Variants in STAMBP observed in about 807,000 individuals in gnomAD.
STAMBP encodes STAM-binding protein.
Under a neutral mutation model 50.7 loss-of-function variants are expected in STAMBP, and 31 were observed. The observed-to-expected ratio is 0.61, with a 90% CI of 0.46 to 0.83. STAMBP has a LOEUF of 0.83. Among genes scored for constraint, STAMBP ranks in the 40% least tolerant of loss-of-function variants. The pLI is 0.00. For missense variants in STAMBP, 472 were observed against 518.9 expected (o/e 0.91, Z 0.88); for synonymous variants, 211 against 192.4 (o/e 1.10, Z -0.80).
At chr2:73,855,624 A>C (rs1287428114) in intron 7 of STAMBP, 1 of 455,992 alleles carries the variant, frequency 2.2e-6, no homozygotes, top group Non-Finnish European at 4.4e-6. Flanking sequence ...CTCATCAGGT[A>C]GAAACTTTGT....
intron 7 of STAMBP, chr2:73,855,741 C>T (rs1269050423): frequency 4.4e-6 from 2 of 455,374 alleles, no homozygotes; most frequent in South Asian, 1.6e-5. Context: ...GTGAGCTCAT[C>T]ACAGCACCCT....
intron 7 of STAMBP, among the ~76,000 whole-genome samples, chr2:73,858,428 C>A (rs913370452): frequency 1.3e-5 from 2 of 152,028 alleles, no homozygotes; most frequent in African/African-American, 4.8e-5. Flanking sequence ...ACATAAGCCT[C>A]CATGCCCAGC....
Position 73,849,345 on chromosome 2 carries a change from C to G in STAMBP, c.743-18C>G, listed in dbSNP as rs1336198224. 6.2e-7 allele frequency: 1 copy of G among 1,613,380 alleles called. No individual in the cohort carries two copies. Among genetic ancestry groups the G allele is most frequent in the Non-Finnish European group, 8.5e-7 (1 of 1,179,944 alleles). On this transcript the variant is annotated intron_variant, in intron 5 of 9. Coordinates refer to ENST00000394070, the MANE Select transcript of STAMBP (RefSeq NM_213622.4). Reference sequence around the variant, plus strand: ...CAGGGCTCAGTGGTCGCAGACTATTCTCCTTTCTCCTTTACAGTTCCCACA... The same window carrying G: ...CAGGGCTCAGTGGTCGCAGACTATTGTCCTTTCTCCTTTACAGTTCCCACA...
chr2:73,831,031 G>T lies in STAMBP; in HGVS notation c.175G>T (p.Ala59Ser). Residue 59 changes from alanine (A) to serine (S), a missense_variant, in exon 2 of 10, where the codon GCC becomes TCC. Ala to Ser is a moderately conservative substitution (Grantham distance 99, BLOSUM62 1). Coordinates refer to ENST00000394070, the MANE Select transcript of STAMBP (RefSeq NM_213622.4). ...CTCTGAGGAAGGCAACATTGAACAT[G>T]CCTTCATCCTCTATAACAAGTATAT... The part of the protein sequence containing the change: ...IYSEEGNIEH[A>S]FILYNKYITL... 2.5e-6 allele frequency: 4 copies of T among 1,614,196 alleles called. No homozygotes were observed. The highest frequency in any genetic ancestry group is 3.4e-6 in the Non-Finnish European group (4 of 1,180,012).
intron 7 of STAMBP, among the ~76,000 whole-genome samples, chr2:73,855,109 C>T (rs1677378788): frequency 6.6e-6 from 1 of 152,184 alleles, no homozygotes; most frequent in Non-Finnish European, 1.5e-5. Context: ...GAATCAGCTG[C>T]CCAGGTCAAA....
At chr2:73,844,641 G>C (rs549577949) in intron 2 of STAMBP, 172 bp from the exon 3 acceptor site, 7 of 478,102 alleles carry the variant, frequency 1.5e-5, no homozygotes, top group Middle Eastern at 3.2e-4. Context: ...TGGCTCTTTA[G>C]GGGGATAGAG....
intron 4 of STAMBP, among the ~76,000 whole-genome samples, chr2:73,846,534 G>A (rs1676082187): frequency 6.6e-6 from 1 of 151,890 alleles, no homozygotes; most frequent in Admixed American, 6.6e-5. Flanking sequence ...GCTGAGATGG[G>A]AGGATCACCT....
At position 73,850,837 on chromosome 2, in the gene STAMBP, C is replaced by T. The variant is rs1366673898; in HGVS notation, c.1005+324C>T. On this transcript the variant is annotated intron_variant, in intron 7 of 9. Coordinates refer to ENST00000394070, the MANE Select transcript of STAMBP (RefSeq NM_213622.4). This position sits in a 1 kb window ranked among gnomAD's most constrained non-coding sequence, Gnocchi z 4.3. ...GTGGACATTGACCTTAGAGACTATG[C>T]CTACTGTGTACAGATGATGTTCCTT... Among the ~76,000 whole-genome samples, 1 of 152,088 alleles carries T rather than the reference C, an allele frequency of 6.6e-6. No individual in the cohort carries two copies. Among genetic ancestry groups the T allele is most frequent in the East Asian group, 1.9e-4 (1 of 5,194 alleles).
At position 73,867,130 on chromosome 2, in the gene STAMBP, T is replaced by C. The variant is rs190828475; in HGVS notation, c.*4871T>C. ...GAGTCCCCTGACATGGAATAAGATA[T>C]GAATAAATGCACAGACTTGTCCAAA... On this transcript the variant is annotated 3_prime_UTR_variant, in exon 10 of 10. Transcript: ENST00000394070. The C allele has an allele frequency of 1.3e-5, 2 of 152,368 alleles. No individual in the cohort carries two copies. Among genetic ancestry groups the C allele is most frequent in the Non-Finnish European group, 2.9e-5 (2 of 68,032 alleles). 9.4% of individuals were successfully genotyped at this position (152,368 alleles called of 1,614,324 possible).
At chr2:73,861,450 T>C (rs1001427555) in intron 9 of STAMBP, among the ~76,000 whole-genome samples, 2 of 152,112 alleles carry the variant, frequency 1.3e-5, no homozygotes, top group Non-Finnish European at 2.9e-5. Context: ...TAAATAGCAG[T>C]CTGGCTTCCA....
At chr2:73,834,682 A>T (rs1674506392) in intron 2 of STAMBP, among the ~76,000 whole-genome samples, 1 of 152,148 alleles carries the variant, frequency 6.6e-6, no homozygotes, top group Non-Finnish European at 1.5e-5. Context: ...ACTTAAGAGT[A>T]CTGTGATAGA....
chr2:73,862,215 G>T lies in STAMBP; in HGVS notation c.1231G>T (p.Val411Leu). 6.2e-7 allele frequency: 1 copy of T among 1,606,816 alleles called. No homozygotes were observed. The highest frequency in any genetic ancestry group is 1.3e-5 in the African/African-American group (1 of 74,238). ...DPPLFCSCSH[V>L]TVVDRAVTIT... is the part of the protein sequence containing the mutation. Reference sequence around the variant, plus strand: ...TTTCCTATTGCAGAGCTGCAGCCACGTGACTGTTGTGGACAGAGCAGTGAC... The same window carrying T: ...TTTCCTATTGCAGAGCTGCAGCCACTTGACTGTTGTGGACAGAGCAGTGAC... The change falls in exon 10 of 10, where the codon GTG becomes TTG. Residue 411 changes from valine to leucine, a missense_variant. Val to Leu is a conservative substitution (Grantham distance 32). Transcript: ENST00000394070.
Position 73,867,029 on chromosome 2 carries a change from G to A in STAMBP, c.*4770G>A, listed in dbSNP as rs989364135. 6.6e-6 allele frequency: 1 copy of A among 152,158 alleles called. No individual in the cohort carries two copies. Among genetic ancestry groups the A allele is most frequent in the African/African-American group, 2.4e-5 (1 of 41,432 alleles). The allele number at this position is 152,158 out of a possible 1,614,324, so 9.4% of individuals were successfully genotyped here. On this transcript the variant is annotated 3_prime_UTR_variant, in exon 10 of 10. Coordinates refer to ENST00000394070, the MANE Select transcript of STAMBP (RefSeq NM_213622.4). ...CCCTGTCATGAGCTAAAATCATCCT[G>A]TTTGTTTATTGCTAGCTTATGTGTC... is the stretch of plus-strand genomic sequence containing the variant.
At chr2:73,841,264 AC>A (rs1210042540) in intron 2 of STAMBP, among the ~76,000 whole-genome samples, 3 of 152,098 alleles carry the variant, frequency 2.0e-5, no homozygotes, top group Non-Finnish European at 2.9e-5. Context: ...AGAACTTTGA[AC>A]CATGTAATGG....
chr2:73,850,269 A>T lies in STAMBP; in HGVS notation c.868-107A>T. 7.1e-7 allele frequency: 1 copy of T among 1,412,762 alleles called. No homozygotes were observed. The highest frequency in any genetic ancestry group is 2.5e-5 in the East Asian group (1 of 40,794). The allele number at this position is 1,412,762 out of a possible 1,614,324, so 87.5% of individuals were successfully genotyped here. A position where few individuals can be genotyped will look rare whatever the true frequency, so the allele number is the denominator to read the frequency against. ...AGTGGCAGGACTCCTGCTGTGTGGG[A>T]AGGGCTTTCACTTGTATAGATGCTT... On this transcript the variant is annotated intron_variant, in intron 6 of 9. Transcript: ENST00000394070. This position sits in a 1 kb window ranked among gnomAD's most constrained non-coding sequence, Gnocchi z 4.3.
chr2:73,872,329 C>A (rs754034492), intron 10 of STAMBP, among the ~76,000 whole-genome samples: 1 of 152,162 alleles, frequency 6.6e-6, no homozygotes, highest in Non-Finnish European at 1.5e-5. Context: ...AACAGATGTC[C>A]ACCATGCATG....
chr2:73,870,781 A>C (rs1341031332), downstream of STAMBP, among the ~76,000 whole-genome samples: 1 of 152,160 alleles, frequency 6.6e-6, no homozygotes, highest in Non-Finnish European at 1.5e-5. Context: ...CAATTCCATC[A>C]AAATATTTCC....
Position 73,865,561 on chromosome 2 carries a change from C to G in STAMBP, c.*3302C>G, listed in dbSNP as rs981095925. ...GAAGTGCCAGGTTGAACATTTAAGG[C>G]TTTGCTTCTAGGCCCAGCTATACAT... On this transcript the variant is annotated 3_prime_UTR_variant, in exon 10 of 10. Transcript: ENST00000394070. The G allele has an allele frequency of 6.6e-6, 1 of 152,174 alleles. No homozygotes were observed. The highest frequency in any genetic ancestry group is 2.4e-5 in the African/African-American group (1 of 41,434). The allele number at this position is 152,174 out of a possible 1,614,324, so 9.4% of individuals were successfully genotyped here. A position where few individuals can be genotyped will look rare whatever the true frequency, so the allele number is the denominator to read the frequency against.
At position 73,845,251 on chromosome 2, in the gene STAMBP, A is replaced by G. The variant is rs772879662; in HGVS notation, c.364A>G (p.Asn122Asp). Residue 122 changes from asparagine (N) to aspartate (D), a missense_variant, in exon 4 of 10, where the codon AAT becomes GAT. Coordinates refer to ENST00000394070, the MANE Select transcript of STAMBP (RefSeq NM_213622.4). ...ATATACCAAAGAATATACAGAATAT[A>G]ATGAAGAAAAGGTCAGTATATAACA... is the stretch of plus-strand genomic sequence containing the variant. ...KRYTKEYTEY[N>D]EEKKKEAEEL... 1.6e-5 allele frequency: 26 copies of G among 1,612,352 alleles called. No individual in the cohort carries two copies. In the East Asian group the frequency reaches 5.8e-4, roughly 36 times the overall value.
Sources: allele counts gnomAD v4.1 joint callset (sites outside exome capture counted in the v4.1 genomes callset), GRCh38; gene constraint gnomAD v4.1.1; non-coding constraint Gnocchi (gnomAD v3.1); transcripts MANE v1.5; gene names NCBI Gene and HGNC (gene_info 2026-07-23, HGNC 2026-07-21).